The following PDE11A variants were observed in gnomAD, a reference collection of about 807,000 sequenced individuals.
PDE11A encodes dual 3',5'-cyclic-AMP and -GMP phosphodiesterase 11A.
Under a neutral mutation model 100.5 loss-of-function variants are expected in PDE11A, and 100 were observed. That is an observed-to-expected ratio of 1.00 (90% CI 0.85 to 1.18). The LOEUF is 1.18. Ranked by LOEUF, PDE11A falls within the 50% of genes most tolerant of loss-of-function variation. The probability of loss-of-function intolerance (pLI) is 0.00; values close to 1 mark genes in which losing one functional copy is unlikely to be tolerated. For synonymous variants in PDE11A, 381 were observed against 420.8 expected, an observed-to-expected ratio of 0.91 and a Z score of 1.16; for missense variants, 1,141 against 1,152.6, an observed-to-expected ratio of 0.99 and a Z score of 0.15.
chr2:177,654,419 G>A (rs983836170), intron 19 of PDE11A, among the ~76,000 whole-genome samples: 1 of 152,152 alleles, frequency 6.6e-6, no homozygotes, highest in African/African-American at 2.4e-5. Flanking sequence ...TACTCAGGAG[G>A]CTGAGGTGGG....
At chr2:177,997,806 T>G in intron 2 of PDE11A, 1 of 1,306,022 alleles carries the variant, frequency 7.7e-7, no homozygotes, top group Non-Finnish European at 1.1e-6. Flanking sequence ...CTGCTTCTTC[T>G]GGAGGGAGGG....
rs1395524833 is a variant in PDE11A at position 177,845,449 on chromosome 2, C to T, written c.1368-5066G>A. Among the ~76,000 whole-genome samples the T allele has an allele frequency of 4.3e-4, 65 of 151,260 alleles. 2 individuals carry two copies. The highest frequency in any genetic ancestry group is 2.6e-4 in the Admixed American group (4 of 15,190). On this transcript the variant is annotated intron_variant, in intron 5 of 19. Transcript: ENST00000286063. ...CAGACGATGGGCGGCCGGGCAGAGA[C>T]GCTCCTCACTTCCTAGATGTGATGG...
At chr2:177,782,935 A>C (rs567690912) in intron 9 of PDE11A, among the ~76,000 whole-genome samples, 5,691 of 152,018 alleles carry the variant, frequency 0.037, 174 homozygotes, top group Non-Finnish European at 0.054. Context: ...ACAAACAAAC[A>C]AACAAACAAA....
In PDE11A at chr2:177,727,709, G is replaced by C. The variant is rs746483172; in HGVS notation, c.1992C>G (p.His664Gln). 52 of 1,612,020 alleles carry C rather than the reference G, an allele frequency of 3.2e-5. No individual in the cohort carries two copies. The Middle Eastern group carries it at 4.9e-4, about 15-fold the overall frequency. Residue 664 changes from histidine to glutamine, a missense_variant, in exon 12 of 20, where the codon CAC (histidine) becomes CAG (glutamine). Physicochemically the swap from His to Gln is conservative, Grantham distance 24. Coordinates refer to ENST00000286063, the MANE Select transcript of PDE11A (RefSeq NM_016953.4). Reference sequence around the variant, plus strand: ...ACACGTTGAAGGCATGTCTCCAGTTGTGGTATAGAACCATCCGATAGTTTT... The same window carrying C: ...ACACGTTGAAGGCATGTCTCCAGTTCTGGTATAGAACCATCCGATAGTTTT... The part of the protein sequence containing the change: ...VRKNYRMVLY[H>Q]NWRHAFNVCQ...
chr2:177,722,210 G>A (rs1238572633), intron 12 of PDE11A, among the ~76,000 whole-genome samples: 1 of 152,152 alleles, frequency 6.6e-6, no homozygotes, highest in African/African-American at 2.4e-5. Context: ...GCCTATGTCC[G>A]TGAGCAAGAG....
At chr2:177,983,283 G>A (rs1412415956) in intron 2 of PDE11A, among the ~76,000 whole-genome samples, 2 of 151,860 alleles carry the variant, frequency 1.3e-5, no homozygotes, top group African/African-American at 2.4e-5. Context: ...ATAATTACAC[G>A]TGCTAGGGAT....
chr2:177,767,456 C>G (rs115281506), intron 10 of PDE11A, among the ~76,000 whole-genome samples: 2,151 of 152,040 alleles, frequency 0.014, 41 homozygotes, highest in East Asian at 0.046. Context: ...TCTTGCCTAC[C>G]CCACCCTCTT....
chr2:177,641,161 G>A (rs2080135883), intron 19 of PDE11A, among the ~76,000 whole-genome samples: 1 of 152,130 alleles, frequency 6.6e-6, no homozygotes, highest in South Asian at 2.1e-4. Flanking sequence ...ACTTTCAGTG[G>A]CTCCTATTTG....
intron 2 of PDE11A, among the ~76,000 whole-genome samples, chr2:178,007,905 A>G (rs2086231090): frequency 6.6e-6 from 1 of 152,012 alleles, no homozygotes; most frequent in Non-Finnish European, 1.5e-5. Context: ...ACAGGGTTTC[A>G]CCATGTTGGC....
At chr2:178,035,766 A>G (rs1371692174) in intron 1 of PDE11A, among the ~76,000 whole-genome samples, 1 of 152,232 alleles carries the variant, frequency 6.6e-6, no homozygotes, top group Non-Finnish European at 1.5e-5. Flanking sequence ...AACAGAACCA[A>G]TGACAAAAAC....
intron 2 of PDE11A, chr2:177,953,377 T>G (rs944691008): frequency 3.6e-4 from 54 of 152,078 alleles, no homozygotes; most frequent in African/African-American, 1.2e-3. Flanking sequence ...TCATAATATA[T>G]TCACAAAGAA....
chr2:177,834,618 C>T (rs772230205), intron 6 of PDE11A, among the ~76,000 whole-genome samples: 45 of 152,176 alleles, frequency 3.0e-4, no homozygotes, highest in East Asian at 5.8e-4. Flanking sequence ...CAGGCACCCA[C>T]GCAGTCTTCC....
intron 2 of PDE11A, among the ~76,000 whole-genome samples, chr2:177,931,563 CGCAATCAAG>C (rs1325928278): frequency 6.6e-6 from 1 of 152,022 alleles, no homozygotes; most frequent in Non-Finnish European, 1.5e-5. Context: ...GGATAAAAGA[CGCAATCAAG>C]GCAGAAATAA....
chr2:178,055,132 T>C (rs79629247), intron 1 of PDE11A, among the ~76,000 whole-genome samples: 12,223 of 151,990 alleles, frequency 0.08, 698 homozygotes, highest in Non-Finnish European at 0.12. Context: ...ATTAAGAAAA[T>C]GTGGCACATA....
chr2:177,734,197 T>A (rs981936865), intron 10 of PDE11A, among the ~76,000 whole-genome samples: 4 of 152,228 alleles, frequency 2.6e-5, no homozygotes, highest in African/African-American at 9.6e-5. Context: ...TAAAACTCCT[T>A]GGGAAAGTCT....
At chr2:177,916,022 TAA>T in intron 2 of PDE11A, among the ~76,000 whole-genome samples, 1 of 152,342 alleles carries the variant, frequency 6.6e-6, no homozygotes, top group Non-Finnish European at 1.5e-5. Flanking sequence ...AATACACCTA[TAA>T]TACATTCTTA....
chr2:177,950,796 A>C (rs1411748750), intron 2 of PDE11A, among the ~76,000 whole-genome samples: 1 of 152,218 alleles, frequency 6.6e-6, no homozygotes. Context: ...CGATAGTCCC[A>C]GCTACTTGGG....
At chr2:178,003,197 G>A (rs146357280) in intron 2 of PDE11A, among the ~76,000 whole-genome samples, 10 of 152,116 alleles carry the variant, frequency 6.6e-5, no homozygotes, top group African/African-American at 2.4e-4. Context: ...CAATTCCTAG[G>A]TATATATCCA....
intron 10 of PDE11A, among the ~76,000 whole-genome samples, chr2:177,743,381 G>A (rs1488179630): frequency 6.6e-6 from 1 of 152,220 alleles, no homozygotes; most frequent in Admixed American, 6.5e-5. Flanking sequence ...CTTGTAAGAT[G>A]AAGGACAGGA....
Sources: allele counts gnomAD v4.1 joint callset (sites outside exome capture counted in the v4.1 genomes callset), GRCh38; gene constraint gnomAD v4.1.1; transcripts MANE v1.5; gene names NCBI Gene and HGNC (gene_info 2026-07-23, HGNC 2026-07-21).